Variants in UBE2R2 observed in about 807,000 individuals in gnomAD.
The protein encoded by UBE2R2 is ubiquitin-conjugating enzyme E2 R2.
In UBE2R2, 1 loss-of-function variant was observed where a neutral mutation model predicts 27.8. The observed-to-expected ratio is 0.04, with a 90% confidence interval of 0.01 to 0.17. The LOEUF (loss-of-function observed/expected upper bound fraction) is 0.17. Ranked by LOEUF, UBE2R2 falls within the 10% of genes least tolerant of loss-of-function variation. UBE2R2 has a pLI of 1.00. For synonymous variants in UBE2R2, 106 were observed against 113.3 expected, an observed-to-expected ratio of 0.94 and a Z score of 0.41; for missense variants, 100 against 291.0, an observed-to-expected ratio of 0.34 and a Z score of 4.78.
intron 3 of UBE2R2, 126 bp downstream of exon 3, chr9:33,900,397 C>T: frequency 1.6e-6 from 1 of 618,346 alleles, no homozygotes; most frequent in South Asian, 2.1e-5. Flanking sequence ...GTTTCTTTGT[C>T]TTTAGCTAGA....
At chr9:33,817,128 T>TCCTCCCTCTCTC (rs1218085008), upstream of UBE2R2, among the ~76,000 whole-genome samples, 2 of 145,194 alleles carry the variant, frequency 1.4e-5, no homozygotes, top group Non-Finnish European at 3.0e-5. Flanking sequence ...CGTGCGCCCC[T>TCCTCCCTCTCTC]CCTCCCTCTC....
At chr9:33,849,419 G>A (rs1354718627) in intron 1 of UBE2R2, among the ~76,000 whole-genome samples, 1 of 152,000 alleles carries the variant, frequency 6.6e-6, no homozygotes, top group African/African-American at 2.4e-5. Context: ...TTATATATAG[G>A]TATATATAAA....
intron 1 of UBE2R2, among the ~76,000 whole-genome samples, chr9:33,879,747 A>G (rs1173797929): frequency 7.9e-6 from 1 of 126,732 alleles, no homozygotes; most frequent in African/African-American, 3.0e-5. Context: ...CCTGGTCACA[A>G]GACTTTTTTT....
At chr9:33,857,828 T>C (rs1821143738) in intron 1 of UBE2R2, among the ~76,000 whole-genome samples, 1 of 152,244 alleles carries the variant, frequency 6.6e-6, no homozygotes, top group Admixed American at 6.5e-5. Flanking sequence ...GTTTTGCCTA[T>C]AGTTCTTTGA....
chr9:33,828,476 G>A (rs1399264505), intron 1 of UBE2R2, among the ~76,000 whole-genome samples: 1 of 148,484 alleles, frequency 6.7e-6, no homozygotes, highest in Non-Finnish European at 1.5e-5. Context: ...TGCAACCTCC[G>A]CCTCCTGGGT....
Position 33,817,234 on chromosome 9 carries a change from G to A in UBE2R2, c.-524G>A, listed in dbSNP as rs1163784098. On this transcript the variant is annotated 5_prime_UTR_variant, in exon 1 of 5. Transcript: ENST00000263228. ...CTCCTCCGCCGTCGCCCCTCCCCCC[G>A]CGCAGCCCCCGCCGCCACCGCCGCG... Among the ~76,000 whole-genome samples, 1 of 80,538 alleles carries A rather than the reference G, an allele frequency of 1.2e-5. No individual in the cohort carries two copies. Among genetic ancestry groups the A allele is most frequent in the African/African-American group, 4.7e-5 (1 of 21,454 alleles). The allele number at this position is 80,538 out of a possible 152,430, so 52.8% of individuals were successfully genotyped here.
intron 1 of UBE2R2, among the ~76,000 whole-genome samples, chr9:33,865,642 G>A (rs886375467): frequency 6.6e-6 from 1 of 152,036 alleles, no homozygotes; most frequent in Non-Finnish European, 1.5e-5. Flanking sequence ...CATATTTCCA[G>A]TAGTTATAGT....
At chr9:33,849,978 T>A (rs569263822) in intron 1 of UBE2R2, among the ~76,000 whole-genome samples, 1 of 152,272 alleles carries the variant, frequency 6.6e-6, no homozygotes, top group South Asian at 2.1e-4. Context: ...ACATTCCTGG[T>A]TCTGCAGCCT....
chr9:33,911,754 AT>A lies in UBE2R2; in HGVS notation c.363-201del, dbSNP rs911588963. Among the ~76,000 whole-genome samples, 5 of 151,964 alleles carry A rather than the reference AT, an allele frequency of 3.3e-5. No homozygotes were observed. The East Asian group carries it at 5.8e-4, about 18-fold the overall frequency. Reference sequence around the variant, plus strand: ...AGCTTGTTTCTTAGTGCTGAAAAAAATTTTTTTTTATTTTTCTTAAATGCCT... The same window carrying A: ...AGCTTGTTTCTTAGTGCTGAAAAAAATTTTTTTTATTTTTCTTAAATGCCT... On this transcript the variant is annotated intron_variant, in intron 3 of 4. Coordinates refer to ENST00000263228, the MANE Select transcript of UBE2R2 (RefSeq NM_017811.4).
intron 1 of UBE2R2, among the ~76,000 whole-genome samples, chr9:33,820,233 C>T (rs193221337): frequency 2.0e-5 from 3 of 152,124 alleles, no homozygotes; most frequent in Non-Finnish European, 4.4e-5. Context: ...TGGAAGGATT[C>T]CTTGTGTTAA....
chr9:33,914,137 A>G (rs1456379936), intron 4 of UBE2R2, among the ~76,000 whole-genome samples: 1 of 152,234 alleles, frequency 6.6e-6, no homozygotes, highest in African/African-American at 2.4e-5. Flanking sequence ...ATTAAGGCAT[A>G]GCCTGTCTCC....
At chr9:33,901,583 T>G (rs1366324880) in intron 3 of UBE2R2, among the ~76,000 whole-genome samples, 2 of 152,174 alleles carry the variant, frequency 1.3e-5, no homozygotes, top group Non-Finnish European at 2.9e-5. Flanking sequence ...TTGTTAAACA[T>G]TTTTACTGAT....
Position 33,911,915 on chromosome 9 carries a change from A to G in UBE2R2, c.363-49A>G, listed in dbSNP as rs772146154. 4 of 1,548,480 alleles carry G rather than the reference A, an allele frequency of 2.6e-6. No individual in the cohort carries two copies. The South Asian group carries it at 5.0e-5, about 20-fold the overall frequency. Reference sequence around the variant, plus strand: ...ATCTTAAAAAGCAGAATACTTTTAAATACTGTAAATATGGGTATTCATAGC... The same window carrying G: ...ATCTTAAAAAGCAGAATACTTTTAAGTACTGTAAATATGGGTATTCATAGC... On this transcript the variant is annotated intron_variant, in intron 3 of 4. Coordinates refer to ENST00000263228, the MANE Select transcript of UBE2R2 (RefSeq NM_017811.4).
upstream of UBE2R2, among the ~76,000 whole-genome samples, chr9:33,816,819 G>A (rs1825774452): frequency 6.6e-6 from 1 of 152,226 alleles, no homozygotes; most frequent in African/African-American, 2.4e-5. Context: ...GGGAGACCTG[G>A]GTTCCCTTCC....
intron 3 of UBE2R2, among the ~76,000 whole-genome samples, chr9:33,904,644 G>C (rs1822313928): frequency 6.6e-6 from 1 of 151,990 alleles, no homozygotes; most frequent in Non-Finnish European, 1.5e-5. Flanking sequence ...TGAGTAGTGA[G>C]AGTTAGCCAA....
At chr9:33,907,601 G>A (rs1407865689) in intron 3 of UBE2R2, among the ~76,000 whole-genome samples, 1 of 151,944 alleles carries the variant, frequency 6.6e-6, no homozygotes, top group East Asian at 1.9e-4. Context: ...GAGAAGGGTG[G>A]TGCACCAGTG....
chr9:33,844,159 TTTA>T (rs1420754262), intron 1 of UBE2R2, among the ~76,000 whole-genome samples: 1 of 152,222 alleles, frequency 6.6e-6, no homozygotes, highest in East Asian at 1.9e-4. Flanking sequence ...TTTCATAAGT[TTTA>T]TTAATTTGTC....
At chr9:33,896,897 T>C (rs1564003162) in intron 2 of UBE2R2, among the ~76,000 whole-genome samples, 3 of 151,994 alleles carry the variant, frequency 2.0e-5, no homozygotes, top group African/African-American at 2.4e-5. Context: ...AATATGTCAT[T>C]TTGAAATGCA....
intron 3 of UBE2R2, among the ~76,000 whole-genome samples, chr9:33,906,135 T>C (rs1386020392): frequency 1.3e-5 from 2 of 152,010 alleles, no homozygotes; most frequent in African/African-American, 2.4e-5. Flanking sequence ...TTGTTGTTGT[T>C]GTTTTGAAAT....
Sources: allele counts gnomAD v4.1 joint callset (sites outside exome capture counted in the v4.1 genomes callset), GRCh38; gene constraint gnomAD v4.1.1; transcripts MANE v1.5; gene names NCBI Gene and HGNC (gene_info 2026-07-23, HGNC 2026-07-21).